The following EXOC4 variants were observed in gnomAD, a reference collection of about 807,000 sequenced individuals.
EXOC4 encodes exocyst complex component 4, also known as SEC8-like 1.
A neutral mutation model predicts 107.2 loss-of-function variants in EXOC4; 71 were observed. The observed-to-expected ratio is 0.66, with a 90% confidence interval of 0.55 to 0.81. The LOEUF is 0.81. Among genes scored for constraint, EXOC4 ranks in the 30% least tolerant of loss-of-function variants. The pLI is 0.00. For synonymous variants in EXOC4, 456 were observed against 441.2 expected, an observed-to-expected ratio of 1.03 and a Z score of -0.42; for missense variants, 1,108 against 1,189.6, an observed-to-expected ratio of 0.93 and a Z score of 1.01.
intron 12 of EXOC4, among the ~76,000 whole-genome samples, chr7:133,906,825 C>T (rs1799577736): frequency 6.6e-6 from 1 of 152,212 alleles, no homozygotes; most frequent in South Asian, 2.1e-4. Flanking sequence ...TGCCATTGCT[C>T]CTGCACAGAT....
chr7:133,330,034 C>T (rs1795344337), intron 5 of EXOC4, among the ~76,000 whole-genome samples: 2 of 152,136 alleles, frequency 1.3e-5, no homozygotes, highest in Non-Finnish European at 2.9e-5. Flanking sequence ...CTGCCCCTTC[C>T]CCTAGGTGCT....
At chr7:133,419,046 G>A (rs1797543389) in intron 7 of EXOC4, among the ~76,000 whole-genome samples, 1 of 152,152 alleles carries the variant, frequency 6.6e-6, no homozygotes, top group African/African-American at 2.4e-5. Context: ...GTGAATTCAA[G>A]GAGTGTTGTA....
chr7:133,599,644 T>G (rs1801760043), intron 9 of EXOC4, among the ~76,000 whole-genome samples: 1 of 152,208 alleles, frequency 6.6e-6, no homozygotes, highest in Non-Finnish European at 1.5e-5. Context: ...TTCTGGACAT[T>G]CGTCATTTCT....
intron 7 of EXOC4, among the ~76,000 whole-genome samples, chr7:133,390,129 A>G (rs1299239832): frequency 6.6e-6 from 1 of 152,136 alleles, no homozygotes; most frequent in Non-Finnish European, 1.5e-5. Context: ...GGGAGAGGTA[A>G]GGGCAGGAAA....
the EXOC4 span, among the ~76,000 whole-genome samples, chr7:134,073,313 A>G: frequency 1.3e-5 from 2 of 151,384 alleles, no homozygotes; most frequent in Non-Finnish European, 2.9e-5. Flanking sequence ...AGGCCCCCAG[A>G]ACCATCCATC....
chr7:133,938,727 A>G (rs900765234), intron 14 of EXOC4, among the ~76,000 whole-genome samples: 4 of 152,232 alleles, frequency 2.6e-5, no homozygotes, highest in Admixed American at 2.6e-4. Flanking sequence ...TTAAAGCATT[A>G]CTTCAGGAGT....
At chr7:133,822,091 C>T (rs1797535191) in intron 11 of EXOC4, among the ~76,000 whole-genome samples, 1 of 152,218 alleles carries the variant, frequency 6.6e-6, no homozygotes. Flanking sequence ...CTGTTGCCAT[C>T]ACTTTTTCTG....
At chr7:133,504,813 T>C (rs923400712) in intron 9 of EXOC4, among the ~76,000 whole-genome samples, 1 of 152,164 alleles carries the variant, frequency 6.6e-6, no homozygotes, top group African/African-American at 2.4e-5. Context: ...ACTTCCCATC[T>C]GAATACTTGC....
At chr7:133,275,961 A>G (rs1793980617) in intron 2 of EXOC4, among the ~76,000 whole-genome samples, 1 of 152,102 alleles carries the variant, frequency 6.6e-6, no homozygotes, top group African/African-American at 2.4e-5. Context: ...GTGACCCACC[A>G]TGCCTGGCAA....
intron 8 of EXOC4, 79 bp from the exon 9 acceptor site, chr7:133,479,971 G>C: frequency 8.6e-7 from 1 of 1,158,672 alleles, no homozygotes; most frequent in Middle Eastern, 1.9e-4. Context: ...GACCAGAGTA[G>C]AATAATGTGG....
intron 6 of EXOC4, among the ~76,000 whole-genome samples, chr7:133,368,969 G>A (rs1054472902): frequency 3.3e-5 from 5 of 152,114 alleles, no homozygotes; most frequent in Non-Finnish European, 7.4e-5. Flanking sequence ...TATCCTAGCA[G>A]TATGTAAGCA....
At chr7:133,582,538 A>G (rs1004618077) in intron 9 of EXOC4, among the ~76,000 whole-genome samples, 1 of 152,108 alleles carries the variant, frequency 6.6e-6, no homozygotes, top group African/African-American at 2.4e-5. Flanking sequence ...AATAAAATTT[A>G]CCTAATGACA....
At chr7:133,556,473 A>G (rs973649264) in intron 9 of EXOC4, among the ~76,000 whole-genome samples, 1 of 152,218 alleles carries the variant, frequency 6.6e-6, no homozygotes, top group South Asian at 2.1e-4. Flanking sequence ...TTCAAATCCT[A>G]CATCCCTGCC....
At chr7:133,960,589 A>G (rs903865776) in intron 14 of EXOC4, among the ~76,000 whole-genome samples, 1 of 152,242 alleles carries the variant, frequency 6.6e-6, no homozygotes, top group Non-Finnish European at 1.5e-5. Context: ...TTAAAAACCA[A>G]AATCACATGA....
intron 5 of EXOC4, among the ~76,000 whole-genome samples, chr7:133,324,541 G>T (rs1319579766): frequency 5.3e-5 from 8 of 152,318 alleles, no homozygotes; most frequent in East Asian, 1.9e-4. Flanking sequence ...TCTTAATCCT[G>T]AGTTCTAATT....
intron 9 of EXOC4, among the ~76,000 whole-genome samples, chr7:133,501,255 G>A (rs1799570768): frequency 6.6e-6 from 1 of 152,160 alleles, no homozygotes; most frequent in South Asian, 2.1e-4. Context: ...CAGGGCTAAT[G>A]CAAAGCTCTG....
At chr7:133,639,778 A>C (rs1204337165) in intron 10 of EXOC4, among the ~76,000 whole-genome samples, 1 of 152,136 alleles carries the variant, frequency 6.6e-6, no homozygotes, top group Non-Finnish European at 1.5e-5. Flanking sequence ...TAGTTGTGAA[A>C]GAATAGTAAT....
intron 7 of EXOC4, among the ~76,000 whole-genome samples, chr7:133,414,315 C>T (rs1455414534): frequency 1.3e-5 from 2 of 152,174 alleles, no homozygotes; most frequent in Non-Finnish European, 2.9e-5. Flanking sequence ...AGCTTGATAA[C>T]ACCAAGTGTT....
chr7:133,281,289 AAAAT>A (rs151247639), intron 2 of EXOC4, among the ~76,000 whole-genome samples: 1,540 of 147,760 alleles, frequency 0.01, 18 homozygotes, highest in African/African-American at 0.037. Context: ...GTAATAATAA[AAAAT>A]AAATAAATAA....
Sources: allele counts gnomAD v4.1 joint callset (sites outside exome capture counted in the v4.1 genomes callset), GRCh38; gene constraint gnomAD v4.1.1; transcripts MANE v1.5; gene names NCBI Gene and HGNC (gene_info 2026-07-23, HGNC 2026-07-21).